The following RORA variants were observed in gnomAD, a reference collection of about 807,000 sequenced individuals.
The protein encoded by RORA is nuclear receptor ROR-alpha.
A neutral mutation model predicts 69.5 loss-of-function variants in RORA; 7 were observed. That is an observed-to-expected ratio of 0.10 (90% CI 0.06 to 0.19). RORA has a LOEUF of 0.19. Among genes scored for constraint, RORA ranks in the 10% least tolerant of loss-of-function variants. The pLI, the probability that RORA is intolerant of heterozygous loss-of-function variation, is 1.00. For synonymous variants in RORA, 261 were observed against 240.8 expected (o/e 1.08, Z -0.78); for missense variants, 457 against 663.0 (o/e 0.69, Z 3.41).
chr15:61,049,561 G>A (rs1239909441), intron 1 of RORA, among the ~76,000 whole-genome samples: 2 of 152,182 alleles, frequency 1.3e-5, no homozygotes, highest in South Asian at 2.1e-4. Context: ...CAGTCTGCAG[G>A]ATGTTAACGC....
Position 60,492,039 on chromosome 15 carries a change from T to A in RORA, c.*5416A>T, listed in dbSNP as rs2065050016. On this transcript the variant is annotated 3_prime_UTR_variant, in exon 11 of 11. Transcript: ENST00000335670. ...GTAAAAATGTCAACGTGTGTGTGTA[T>A]ACACACATATACAAATACACATAGA... 6.6e-6 allele frequency: 1 copy of A among 151,938 alleles called. No homozygotes were observed. The highest frequency in any genetic ancestry group is 2.4e-5 in the African/African-American group (1 of 41,260). 9.4% of individuals were successfully genotyped at this position (151,938 alleles called of 1,614,324 possible). A position where few individuals can be genotyped will look rare whatever the true frequency, so the allele number is the denominator to read the frequency against.
intron 1 of RORA, among the ~76,000 whole-genome samples, chr15:60,973,086 G>T (rs547343366): frequency 6.6e-6 from 1 of 152,084 alleles, no homozygotes; most frequent in East Asian, 1.9e-4. Context: ...AGTAGAGGCA[G>T]TTTGGTCAGC....
chr15:61,217,938 C>A (rs1484888880), intron 1 of RORA, among the ~76,000 whole-genome samples: 1 of 152,050 alleles, frequency 6.6e-6, no homozygotes, highest in African/African-American at 2.4e-5. Context: ...TAATGAGTAA[C>A]ACCTGGAGCT....
intron 1 of RORA, among the ~76,000 whole-genome samples, chr15:60,807,290 C>A (rs112403430): frequency 4.6e-5 from 7 of 152,230 alleles, no homozygotes; most frequent in African/African-American, 1.7e-4. Flanking sequence ...AGAATCAAAT[C>A]AAGAACTCAA....
At chr15:60,505,454 A>G (rs1258789398) in intron 6 of RORA, 54 bp downstream of exon 6, 18 of 1,592,964 alleles carry the variant, frequency 1.1e-5, no homozygotes, top group Non-Finnish European at 1.5e-5. Flanking sequence ...TCCTATACCA[A>G]CACCCTTCCC....
intron 4 of RORA, among the ~76,000 whole-genome samples, chr15:60,513,325 A>C (rs1324325933): frequency 1.3e-5 from 2 of 152,190 alleles, no homozygotes; most frequent in African/African-American, 4.8e-5. Flanking sequence ...TTATATGCAA[A>C]ATTTTCAGAA....
intron 1 of RORA, among the ~76,000 whole-genome samples, chr15:60,990,912 A>T (rs1894356087): frequency 6.6e-6 from 1 of 152,246 alleles, no homozygotes; most frequent in Admixed American, 6.5e-5. Flanking sequence ...AGCTAAAGTG[A>T]GTTACTGACA....
intron 2 of RORA, among the ~76,000 whole-genome samples, chr15:60,606,451 GTTGT>G (rs2068947815): frequency 1.4e-5 from 2 of 147,838 alleles, no homozygotes; most frequent in South Asian, 2.1e-4. Flanking sequence ...CTTTCTTGTT[GTTGT>G]TTTTTTTAAA....
chr15:60,506,968 T>C (rs964079112), intron 5 of RORA, among the ~76,000 whole-genome samples: 7 of 150,738 alleles, frequency 4.6e-5, no homozygotes, highest in South Asian at 2.1e-4. Flanking sequence ...GCCTGGGCAA[T>C]AGAGCGAGAC....
In RORA at chr15:61,128,803, A is replaced by G. The variant is rs1157243528; in HGVS notation, c.166+100250T>C. Among the ~76,000 whole-genome samples the G allele has an allele frequency of 6.6e-6, 1 of 152,184 alleles. No individual in the cohort carries two copies. The highest frequency in any genetic ancestry group is 2.4e-5 in the African/African-American group (1 of 41,456). On this transcript the variant is annotated intron_variant, in intron 1 of 10. Coordinates refer to ENST00000335670, the MANE Select transcript of RORA (RefSeq NM_134261.3). The surrounding 1 kb of genome is among the most constrained non-coding windows in gnomAD (Gnocchi z 4.5). ...AAATATTGGCAATGCATCCTGAGAC[A>G]AGAGTCAAGTGCTAAGCAAAGTCAA... is the stretch of plus-strand genomic sequence containing the variant.
At chr15:60,766,662 C>A (rs2071997409) in intron 1 of RORA, among the ~76,000 whole-genome samples, 1 of 119,746 alleles carries the variant, frequency 8.4e-6, no homozygotes, top group Non-Finnish European at 1.7e-5. Context: ...TTGCCCTTCA[C>A]AGACTGCACT....
At chr15:61,215,547 C>G (rs760555721) in intron 1 of RORA, among the ~76,000 whole-genome samples, 1 of 152,120 alleles carries the variant, frequency 6.6e-6, no homozygotes, top group East Asian at 1.9e-4. Flanking sequence ...ATATGTGTCC[C>G]CATTCATAAT....
intron 1 of RORA, among the ~76,000 whole-genome samples, chr15:61,179,802 C>T (rs1476700840): frequency 3.9e-5 from 6 of 152,112 alleles, no homozygotes; most frequent in Admixed American, 3.9e-4. Context: ...AGGTCCTCCA[C>T]ACCTGCTTAC....
At chr15:60,809,712 T>C (rs1463740646) in intron 1 of RORA, among the ~76,000 whole-genome samples, 1 of 152,180 alleles carries the variant, frequency 6.6e-6, no homozygotes, top group Non-Finnish European at 1.5e-5. Context: ...CTTCTGGTTT[T>C]ATGACAATGT....
intron 2 of RORA, among the ~76,000 whole-genome samples, chr15:60,630,230 C>G (rs1175538716): frequency 6.6e-6 from 1 of 152,182 alleles, no homozygotes; most frequent in Non-Finnish European, 1.5e-5. Context: ...ATTTTCCCAT[C>G]CAAGTTCATT....
intron 1 of RORA, among the ~76,000 whole-genome samples, chr15:60,981,243 C>T (rs763515782): frequency 1.1e-4 from 17 of 151,794 alleles, no homozygotes; most frequent in African/African-American, 1.9e-4. Context: ...ATTCTCTATT[C>T]GTCTTTGATT....
intron 2 of RORA, among the ~76,000 whole-genome samples, chr15:60,547,432 T>A (rs2140376527): frequency 6.6e-6 from 1 of 151,876 alleles, no homozygotes; most frequent in Middle Eastern, 3.4e-3. Context: ...GTTCAAAGGA[T>A]TCTCCTGCCT....
intron 2 of RORA, chr15:60,592,590 C>A (rs1254544735): frequency 8.2e-7 from 1 of 1,216,790 alleles, no homozygotes. Context: ...ACATCACGGC[C>A]GCCGCTCTGT....
intron 3 of RORA, among the ~76,000 whole-genome samples, chr15:60,525,926 AGAG>A (rs1352307591): frequency 6.6e-6 from 1 of 152,148 alleles, no homozygotes; most frequent in African/African-American, 2.4e-5. Flanking sequence ...TTATCTGGCT[AGAG>A]GGGGAAAAAG....
Sources: gnomAD v4.1 joint callset for allele counts (sites outside exome capture counted in the v4.1 genomes callset) on GRCh38, gnomAD v4.1.1 for gene constraint, Gnocchi (gnomAD v3.1) non-coding constraint, MANE v1.5 for transcripts, NCBI Gene and HGNC (gene_info 2026-07-23, HGNC 2026-07-21) for gene names.